ERC1: variants seen among roughly 807,000 people sequenced by gnomAD.
ERC1 encodes RAB6 interacting protein 2.
Under a neutral mutation model 132.0 loss-of-function variants are expected in ERC1, and 56 were observed. That is an observed-to-expected ratio of 0.42 (90% CI 0.34 to 0.53). The LOEUF is 0.53. Among genes scored for constraint, ERC1 ranks in the 20% least tolerant of loss-of-function variants. The probability of loss-of-function intolerance (pLI) is 0.03; values close to 1 mark genes in which losing one functional copy is unlikely to be tolerated. For synonymous variants in ERC1, 478 were observed against 476.1 expected (o/e 1.00, Z -0.05); for missense variants, 1,202 against 1,349.9 (o/e 0.89, Z 1.72).
chr12:1,422,682 T>C (rs1009594589), intron 17 of ERC1, among the ~76,000 whole-genome samples: 1 of 152,212 alleles, frequency 6.6e-6, no homozygotes, highest in Non-Finnish European at 1.5e-5. Context: ...ATCTCTTTGA[T>C]TACTGATTTC....
intron 15 of ERC1, among the ~76,000 whole-genome samples, chr12:1,300,225 C>T (rs990610479): frequency 8.5e-5 from 13 of 152,112 alleles, no homozygotes; most frequent in African/African-American, 1.2e-4. Context: ...GAAAGGATTC[C>T]TTATTCAATA....
chr12:1,245,065 A>G (rs1269731011), intron 13 of ERC1: 1 of 152,300 alleles, frequency 6.6e-6, no homozygotes, highest in Non-Finnish European at 1.5e-5. Context: ...GAGCAGTAGT[A>G]CTACTTTTCT....
At chr12:1,216,169 C>T (rs142122316) in intron 12 of ERC1, among the ~76,000 whole-genome samples, 7 of 152,172 alleles carry the variant, frequency 4.6e-5, no homozygotes, top group East Asian at 3.9e-4. Context: ...ATCAGAAACT[C>T]GTAACTTTAT....
chr12:1,368,616 G>A (rs1041331655), intron 15 of ERC1, among the ~76,000 whole-genome samples: 1 of 151,990 alleles, frequency 6.6e-6, no homozygotes, highest in Non-Finnish European at 1.5e-5. Context: ...AGCAATTTTC[G>A]TATTCCCTAA....
intron 1 of ERC1, among the ~76,000 whole-genome samples, chr12:1,013,248 GTGGCGCAGA>G (rs1964982425): frequency 6.6e-6 from 1 of 152,126 alleles, no homozygotes; most frequent in African/African-American, 2.4e-5. Flanking sequence ...TTTCAACTAA[GTGGCGCAGA>G]TTGCTGTTAC....
intron 12 of ERC1, among the ~76,000 whole-genome samples, chr12:1,199,744 C>T (rs1322064418): frequency 6.6e-6 from 1 of 151,538 alleles, no homozygotes; most frequent in Non-Finnish European, 1.5e-5. Flanking sequence ...TGCCATTGCA[C>T]TTCAGCCTGG....
chr12:1,445,491 A>G (rs1476347401), intron 18 of ERC1, among the ~76,000 whole-genome samples: 3 of 152,146 alleles, frequency 2.0e-5, no homozygotes, highest in Admixed American at 1.3e-4. Flanking sequence ...TTGGCCTCCC[A>G]AGGTGCTGGG....
intron 16 of ERC1, among the ~76,000 whole-genome samples, chr12:1,394,077 A>G (rs550743193): frequency 1.8e-4 from 27 of 148,588 alleles, no homozygotes; most frequent in Non-Finnish European, 3.6e-4. Context: ...ATTTCTGTAT[A>G]TTTAGTAAGG....
chr12:1,035,615 T>G (rs17755839), intron 2 of ERC1, among the ~76,000 whole-genome samples: 23,354 of 152,158 alleles, frequency 0.15, 2,122 homozygotes, highest in Non-Finnish European at 0.2. Flanking sequence ...TTGGTGGAAC[T>G]GCAGAGCTAC....
At chr12:1,285,132 T>C (rs2078958293) in intron 14 of ERC1, among the ~76,000 whole-genome samples, 1 of 152,194 alleles carries the variant, frequency 6.6e-6, no homozygotes, top group African/African-American at 2.4e-5. Flanking sequence ...CATGACAGAC[T>C]TGATGCTGGG....
intron 18 of ERC1, among the ~76,000 whole-genome samples, chr12:1,469,657 A>G (rs2093817472): frequency 6.6e-6 from 1 of 152,192 alleles, no homozygotes; most frequent in African/African-American, 2.4e-5. Flanking sequence ...GTTGAGCCAG[A>G]CTGGACTGGA....
At chr12:1,217,842 CACTT>C (rs1443939970) in intron 12 of ERC1, among the ~76,000 whole-genome samples, 35 of 152,326 alleles carry the variant, frequency 2.3e-4, no homozygotes, top group African/African-American at 8.2e-4. Flanking sequence ...TCTTTTGTCA[CACTT>C]GCTTGCAAAA....
At chr12:1,422,715 G>A (rs553535286) in intron 17 of ERC1, among the ~76,000 whole-genome samples, 1 of 152,240 alleles carries the variant, frequency 6.6e-6, no homozygotes, top group South Asian at 2.1e-4. Context: ...TATATACCTA[G>A]TGGTATCATA....
Position 1,484,430 on chromosome 12 carries a change from C to T in ERC1, c.3214-5663C>T, listed in dbSNP as rs16927900. On this transcript the variant is annotated intron_variant, in intron 18 of 18. Coordinates refer to ENST00000360905, the MANE Select transcript of ERC1 (RefSeq NM_178040.4). ...AAAGTAGAATTATTTGGTCAAAGGA[C>T]ATATACAATTAAATTTGGCTGATGA... Among the ~76,000 whole-genome samples, 74 of 152,286 alleles carry T rather than the reference C, an allele frequency of 4.9e-4. No individual in the cohort carries two copies. The East Asian group carries it at 0.012, about 24-fold the overall frequency.
At chr12:1,468,710 GTTATT>G (rs1013070771) in intron 18 of ERC1, among the ~76,000 whole-genome samples, 29 of 152,122 alleles carry the variant, frequency 1.9e-4, no homozygotes, top group Non-Finnish European at 8.8e-5. Context: ...CTGTTCTACT[GTTATT>G]TTATAAGGCA....
intron 8 of ERC1, among the ~76,000 whole-genome samples, chr12:1,172,912 T>G (rs1380132651): frequency 1.3e-5 from 2 of 152,218 alleles, no homozygotes; most frequent in African/African-American, 2.4e-5. Context: ...AATAACGTCG[T>G]GGTCCTGAAA....
rs1299624332 is a variant in ERC1 at position 1,141,968 on chromosome 12, T to C, written c.1737+181T>C. ...TGTTAAGACTGCTCTATATATTCAG[T>C]TTTTAAAAATTTAAACACTGTTAGT... On this transcript the variant is annotated intron_variant, in intron 8 of 18. Coordinates refer to ENST00000360905, the MANE Select transcript of ERC1 (RefSeq NM_178040.4). Among the ~76,000 whole-genome samples the C allele has an allele frequency of 2.6e-5, 4 of 152,206 alleles. No homozygotes were observed. The East Asian group carries it at 7.7e-4, about 29-fold the overall frequency.
chr12:1,367,999 C>T (rs1287959094), intron 15 of ERC1, among the ~76,000 whole-genome samples: 1 of 115,694 alleles, frequency 8.6e-6, no homozygotes, highest in Non-Finnish European at 1.7e-5. Flanking sequence ...GGGAACAGAA[C>T]AAGGAGAGTA....
intron 6 of ERC1, among the ~76,000 whole-genome samples, chr12:1,112,986 G>A (rs1946052989): frequency 1.3e-5 from 2 of 152,236 alleles, no homozygotes; most frequent in African/African-American, 2.4e-5. Context: ...TAAAAAAATG[G>A]ATGTTGTGTC....
Sources: gnomAD v4.1 joint callset for allele counts (sites outside exome capture counted in the v4.1 genomes callset) on GRCh38, gnomAD v4.1.1 for gene constraint, MANE v1.5 for transcripts, NCBI Gene and HGNC (gene_info 2026-07-23, HGNC 2026-07-21) for gene names.